Variants in TRIO observed in about 807,000 individuals in gnomAD.
The protein encoded by TRIO is trio Rho guanine nucleotide exchange factor.
TRIO carries 58 observed loss-of-function variants against 351.9 expected under a neutral mutation model. That is an observed-to-expected ratio of 0.16 (90% CI 0.13 to 0.21). TRIO has a LOEUF of 0.21. Ranked by LOEUF, TRIO falls within the 10% of genes least tolerant of loss-of-function variation. The pLI, the probability that TRIO is intolerant of heterozygous loss-of-function variation, is 1.00. For missense variants in TRIO, 3,201 were observed against 4,027.8 expected, an observed-to-expected ratio of 0.79 and a Z score of 5.56; for synonymous variants, 1,758 against 1,595.7, an observed-to-expected ratio of 1.10 and a Z score of -2.42.
intron 34 of TRIO, among the ~76,000 whole-genome samples, chr5:14,448,632 C>A (rs967700768): frequency 5.9e-5 from 9 of 152,232 alleles, no homozygotes; most frequent in Admixed American, 5.9e-4. Flanking sequence ...TCCACTACCC[C>A]CAGCCAGTAC....
At chr5:14,267,559 A>G (rs192217686) in intron 1 of TRIO, among the ~76,000 whole-genome samples, 174 of 152,346 alleles carry the variant, frequency 1.1e-3, no homozygotes, top group South Asian at 2.1e-3. Context: ...ATAGCAGAGA[A>G]GCCACTTATT....
At chr5:14,467,196 G>C (rs1754325451) in intron 37 of TRIO, among the ~76,000 whole-genome samples, 1 of 152,114 alleles carries the variant, frequency 6.6e-6, no homozygotes, top group Non-Finnish European at 1.5e-5. Context: ...TATTTGTCAG[G>C]TGAATTTTCA....
intron 2 of TRIO, among the ~76,000 whole-genome samples, chr5:14,276,692 C>T (rs1005847744): frequency 4.6e-5 from 7 of 152,190 alleles, no homozygotes; most frequent in African/African-American, 1.4e-4. Flanking sequence ...ACAGTTGGTT[C>T]GTTGAAATTT....
chr5:14,273,395 T>A (rs1481791473), intron 2 of TRIO, among the ~76,000 whole-genome samples: 1 of 152,196 alleles, frequency 6.6e-6, no homozygotes, highest in East Asian at 1.9e-4. Flanking sequence ...TGCACTTAAG[T>A]AAGATAGAAT....
At chr5:14,161,253 C>T (rs772853848) in intron 1 of TRIO, among the ~76,000 whole-genome samples, 1 of 152,154 alleles carries the variant, frequency 6.6e-6, no homozygotes, top group East Asian at 1.9e-4. Context: ...TGTAGCTGGG[C>T]AGACCTCCTG....
chr5:14,315,490 A>G (rs1739305295), intron 8 of TRIO, among the ~76,000 whole-genome samples: 1 of 152,056 alleles, frequency 6.6e-6, no homozygotes, highest in African/African-American at 2.4e-5. Flanking sequence ...TGACCTTGTG[A>G]TCCGCCTGCC....
intron 1 of TRIO, among the ~76,000 whole-genome samples, chr5:14,169,076 T>G (rs1356053382): frequency 1.3e-5 from 2 of 152,156 alleles, no homozygotes; most frequent in Admixed American, 1.3e-4. Flanking sequence ...TTATTTGAGG[T>G]GAATGCATGG....
At chr5:14,231,618 C>G (rs900820621) in intron 1 of TRIO, among the ~76,000 whole-genome samples, 3 of 152,140 alleles carry the variant, frequency 2.0e-5, no homozygotes, top group African/African-American at 7.2e-5. Context: ...AGCATAGAGT[C>G]GTTTCTCAGC....
At chr5:14,452,005 CCTG>C (rs1752879029) in intron 34 of TRIO, among the ~76,000 whole-genome samples, 1 of 152,260 alleles carries the variant, frequency 6.6e-6, no homozygotes, top group Admixed American at 6.5e-5. Context: ...CCGGAACTCT[CCTG>C]CTGTTGAGCA....
chr5:14,339,322 T>A (rs147642825), intron 11 of TRIO, among the ~76,000 whole-genome samples: 17 of 152,342 alleles, frequency 1.1e-4, no homozygotes, highest in Admixed American at 2.0e-4. Context: ...AACAATCTTC[T>A]AATAAGAGCA....
intron 38 of TRIO, among the ~76,000 whole-genome samples, 194 bp from the exon 39 acceptor site, chr5:14,472,398 C>G (rs535391276): frequency 2.0e-5 from 3 of 152,268 alleles, no homozygotes; most frequent in Admixed American, 2.0e-4. Flanking sequence ...TGTCTTTTGA[C>G]CTCCAGAGCT....
chr5:14,299,266 C>T (rs555629153), intron 7 of TRIO, among the ~76,000 whole-genome samples: 1 of 152,056 alleles, frequency 6.6e-6, no homozygotes, highest in Non-Finnish European at 1.5e-5. Flanking sequence ...GGAAATGAAA[C>T]TAGGTGAACA....
intron 9 of TRIO, among the ~76,000 whole-genome samples, chr5:14,323,930 G>A (rs1478064116): frequency 6.6e-6 from 1 of 151,904 alleles, no homozygotes; most frequent in Non-Finnish European, 1.5e-5. Context: ...TTATCTACGT[G>A]AAAGTCTTCC....
intron 3 of TRIO, among the ~76,000 whole-genome samples, chr5:14,284,901 G>A (rs564246753): frequency 7.2e-5 from 11 of 152,294 alleles, no homozygotes; most frequent in Admixed American, 5.9e-4. Flanking sequence ...AGAGCTCTTG[G>A]CCTCCGGGCA....
In TRIO at chr5:14,362,714, C is replaced by T. The variant is rs56688277; in HGVS notation, c.2392-1018C>T. ...AGGTGGTGCATCGTAGTTCCCCATG[C>T]GAAGGCTGGGCCTGTCTAATCCCAC... is the stretch of plus-strand genomic sequence containing the variant. On this transcript the variant is annotated intron_variant, in intron 13 of 56. Transcript: ENST00000344204. 8.5e-3 allele frequency among the ~76,000 whole-genome samples: 1,300 copies of T among 152,276 alleles called. 18 individuals are homozygous for T. The highest frequency in any genetic ancestry group is 0.03 in the African/African-American group (1,239 of 41,554).
intron 21 of TRIO, among the ~76,000 whole-genome samples, chr5:14,386,015 G>T (rs558653679): frequency 6.6e-6 from 1 of 152,304 alleles, no homozygotes; most frequent in African/African-American, 2.4e-5. Context: ...GGCTGTGAAG[G>T]TGACGTTCTC....
chr5:14,297,817 C>T (rs1237775896), intron 7 of TRIO, among the ~76,000 whole-genome samples: 4 of 152,196 alleles, frequency 2.6e-5, no homozygotes. Context: ...GCTGGGCCTC[C>T]CCTCACAGTC....
intron 1 of TRIO, among the ~76,000 whole-genome samples, chr5:14,173,190 CTTTTTT>C (rs758636385): frequency 2.9e-4 from 19 of 66,496 alleles, no homozygotes; most frequent in African/African-American, 8.4e-4. Flanking sequence ...TTGTATGTTC[CTTTTTT>C]TTTTTTTTTT....
intron 30 of TRIO, 103 bp downstream of exon 30, chr5:14,399,173 C>A: frequency 9.0e-7 from 1 of 1,116,276 alleles, no homozygotes; most frequent in Non-Finnish European, 1.3e-6. Context: ...ACCTCCCAAT[C>A]TGTCCTGAAA....
Sources: gnomAD v4.1 joint callset for allele counts (sites outside exome capture counted in the v4.1 genomes callset) on GRCh38, gnomAD v4.1.1 for gene constraint, MANE v1.5 for transcripts, NCBI Gene and HGNC (gene_info 2026-07-23, HGNC 2026-07-21) for gene names.